Variants in PLK3 observed in about 807,000 individuals in gnomAD.
The protein encoded by PLK3 is polo like kinase 3, also known as serine/threonine-protein kinase PLK3.
A neutral mutation model predicts 71.6 loss-of-function variants in PLK3; 41 were observed. That is an observed-to-expected ratio of 0.57 (90% CI 0.45 to 0.74). The LOEUF (loss-of-function observed/expected upper bound fraction) is 0.74. Among genes scored for constraint, PLK3 ranks in the 30% least tolerant of loss-of-function variants. The probability of loss-of-function intolerance (pLI) is 0.00; values close to 1 mark genes in which losing one functional copy is unlikely to be tolerated. For synonymous variants in PLK3, 366 were observed against 355.4 expected, an observed-to-expected ratio of 1.03 and a Z score of -0.33; for missense variants, 791 against 875.6, an observed-to-expected ratio of 0.90 and a Z score of 1.22.
Position 44,804,361 on chromosome 1 carries a change from G to A in PLK3, c.1365G>A (p.Leu455=). 1 of 1,614,154 alleles carries A rather than the reference G, an allele frequency of 6.2e-7. No individual in the cohort carries two copies. Among genetic ancestry groups the A allele is most frequent in the Non-Finnish European group, 8.5e-7 (1 of 1,180,010 alleles). Residue 455 remains leucine (L), a synonymous_variant, in exon 12 of 15, where the codon CTG becomes CTA. Transcript: ENST00000372201. ...CAGCGGAACAGAACCCGGCCCCCCTGGCCCAGCCAGAGCCTCTGGTGTGGG... is the reference window on the plus strand; with the variant it reads ...CAGCGGAACAGAACCCGGCCCCCCTAGCCCAGCCAGAGCCTCTGGTGTGGG... ...MPPAEQNPAP[L]AQPEPLVWVS...
Position 44,804,784 on chromosome 1 carries a change from G to A in PLK3, c.1635+5G>A. The A allele has an allele frequency of 6.2e-7, 1 of 1,613,748 alleles. No homozygotes were observed. The highest frequency in any genetic ancestry group is 1.3e-5 in the African/African-American group (1 of 75,058). The stretch of plus-strand genomic sequence containing the variant: ...ATGGAGCAGCACCTCATGAAGGTGT[G>A]AGGGCTGGGGCTGTGGTACATTGAA... On this transcript the variant is annotated splice_donor_5th_base_variant and intron_variant, in intron 13 of 14. Coordinates refer to ENST00000372201, the MANE Select transcript of PLK3 (RefSeq NM_004073.4).
rs1573611794 is a variant in PLK3, at chr1:44,802,624, T to C, written c.654-136T>C. ...ACTCAGCTGCCATCCCTGGCATCCA[T>C]TGTCCCAGGACAAGCAGGAGTTCTC... On this transcript the variant is annotated intron_variant, in intron 5 of 14. Coordinates refer to ENST00000372201, the MANE Select transcript of PLK3 (RefSeq NM_004073.4). 8.9e-6 allele frequency: 6 copies of C among 674,094 alleles called. No homozygotes were observed. The South Asian group carries it at 1.0e-4, about 12-fold the overall frequency. The allele number at this position is 674,094 out of a possible 1,614,324, so 41.8% of individuals were successfully genotyped here. A position where few individuals can be genotyped will look rare whatever the true frequency, so the allele number is the denominator to read the frequency against.
At chr1:44,805,158 C>T in intron 13 of PLK3, 108 bp from the exon 14 acceptor site, 1 of 754,726 alleles carries the variant, frequency 1.3e-6, no homozygotes, top group Admixed American at 2.0e-5. Context: ...CCTCTGATTC[C>T]CCCTTGGTGG....
rs1439814318 is a variant in PLK3, at chr1:44,803,321, G to A, written c.1002G>A (p.Leu334=). ...PISSCVTVPD[L]TPPNPARSLF... is the part of the protein sequence containing the mutation. Reference sequence around the variant, plus strand: ...GCAGCTGCGTGACAGTCCCAGACCTGACACCCCCCAACCCAGCTAGGAGTC... The same window carrying A: ...GCAGCTGCGTGACAGTCCCAGACCTAACACCCCCCAACCCAGCTAGGAGTC... The change falls in exon 8 of 15, where the codon CTG becomes CTA. Residue 334 remains leucine, a synonymous_variant. Transcript: ENST00000372201. This position sits in a 1 kb window ranked among gnomAD's most constrained non-coding sequence, Gnocchi z 4.3. 1.9e-6 allele frequency: 3 copies of A among 1,614,004 alleles called. No homozygotes were observed. Among genetic ancestry groups the A allele is most frequent in the Middle Eastern group, 1.6e-4 (1 of 6,084 alleles).
At position 44,805,754 on chromosome 1, in the gene PLK3, G is replaced by C; in HGVS notation, c.*76G>C. 1 of 1,476,798 alleles carries C rather than the reference G, an allele frequency of 6.8e-7. No homozygotes were observed. Among genetic ancestry groups the C allele is most frequent in the South Asian group, 1.2e-5 (1 of 84,646 alleles). 91.5% of individuals were successfully genotyped at this position (1,476,798 alleles called of 1,614,324 possible). A position where few individuals can be genotyped will look rare whatever the true frequency, so the allele number is the denominator to read the frequency against. On this transcript the variant is annotated 3_prime_UTR_variant, in exon 15 of 15. Transcript: ENST00000372201. ...CCTTTGTGGCCTTCCCCCTTCCTTT[G>C]GTGCCTCACTGGGGGCTTTGGGCCG...
At position 44,804,427 on chromosome 1, in the gene PLK3, G is replaced by A. The variant is rs2148856564; in HGVS notation, c.1431G>A (p.Gly477=). The change falls in exon 12 of 15, where the codon GGG becomes GGA. Residue 477 remains glycine, a synonymous_variant. Transcript: ENST00000372201. ...ACTACTCCAATAAGTTCGGCTTTGG[G>A]TATCAACTGTCCAGCCGCCGTGTGG... ...WVDYSNKFGF[G]YQLSSRRVAV... is the part of the protein sequence containing the mutation. The A allele has an allele frequency of 6.2e-7, 1 of 1,614,200 alleles. No homozygotes were observed.
At position 44,801,838 on chromosome 1, in the gene PLK3, C is replaced by T. The variant is rs1348660884; in HGVS notation, c.566-7C>T. 3.1e-6 allele frequency: 5 copies of T among 1,612,812 alleles called. No individual in the cohort carries two copies. Among genetic ancestry groups the T allele is most frequent in the Non-Finnish European group, 2.5e-6 (3 of 1,179,274 alleles). On this transcript the variant is annotated splice_polypyrimidine_tract_variant and splice_region_variant and intron_variant, in intron 4 of 14. Coordinates refer to ENST00000372201, the MANE Select transcript of PLK3 (RefSeq NM_004073.4). Reference sequence around the variant, plus strand: ...AGAATCTGACACACCTCTCTTGCCCCATCTAGGAAATTTTTTCATCACTGA... The same window carrying T: ...AGAATCTGACACACCTCTCTTGCCCTATCTAGGAAATTTTTTCATCACTGA...
In PLK3 at chr1:44,804,261, TG is replaced by T; in HGVS notation, c.1342+17del. The T allele has an allele frequency of 6.2e-7, 1 of 1,613,152 alleles. No individual in the cohort carries two copies. Among genetic ancestry groups the T allele is most frequent in the Non-Finnish European group, 8.5e-7 (1 of 1,179,086 alleles). On this transcript the variant is annotated intron_variant, in intron 11 of 14. Coordinates refer to ENST00000372201, the MANE Select transcript of PLK3 (RefSeq NM_004073.4). ...CATGCCCCCAGGTAAGGGTGGGGTC[TG>T]GTACATGCTGCTGTGGTGGGAGTTC...
Position 44,803,559 on chromosome 1 carries a change from C to T in PLK3, c.1073-41C>T. The T allele has an allele frequency of 6.3e-7, 1 of 1,587,890 alleles. No homozygotes were observed. Among genetic ancestry groups the T allele is most frequent in the Non-Finnish European group, 8.6e-7 (1 of 1,157,336 alleles). ...GTCATCCCTGTCGGAAGTGGAGGGGCTGGGCAGGATACTGAGGACGGTATC... is the reference window on the plus strand; with the variant it reads ...GTCATCCCTGTCGGAAGTGGAGGGGTTGGGCAGGATACTGAGGACGGTATC... On this transcript the variant is annotated intron_variant, in intron 8 of 14. Coordinates refer to ENST00000372201, the MANE Select transcript of PLK3 (RefSeq NM_004073.4). This position sits in a 1 kb window ranked among gnomAD's most constrained non-coding sequence, Gnocchi z 4.3.
In PLK3 at chr1:44,803,524, C is replaced by T; in HGVS notation, c.1073-76C>T. 1 of 1,574,332 alleles carries T rather than the reference C, an allele frequency of 6.4e-7. No homozygotes were observed. The highest frequency in any genetic ancestry group is 8.7e-7 in the Non-Finnish European group (1 of 1,146,346). ...GTGCAGTACAGGCACTTGGGGAGGCCAATCTCTGTGTCATCCCTGTCGGAA... is the reference window on the plus strand; with the variant it reads ...GTGCAGTACAGGCACTTGGGGAGGCTAATCTCTGTGTCATCCCTGTCGGAA... On this transcript the variant is annotated intron_variant, in intron 8 of 14. Transcript: ENST00000372201. The surrounding 1 kb of genome is among the most constrained non-coding windows in gnomAD (Gnocchi z 4.3).
chr1:44,802,667 C>A, intron 5 of PLK3, 93 bp from the exon 6 acceptor site: 3 of 858,114 alleles, frequency 3.5e-6, no homozygotes, highest in African/African-American at 1.7e-5. Context: ...TGGTGACAGG[C>A]AGCTGCTTTG....
Position 44,804,019 on chromosome 1 carries a change from G to C in PLK3, c.1253G>C (p.Gly418Ala), listed in dbSNP as rs1247256112. The change falls in exon 10 of 15, where the codon GGA becomes GCA. Residue 418 changes from glycine to alanine, a missense_variant. Physicochemically the swap from Gly to Ala is moderately conservative, Grantham distance 60. Transcript: ENST00000372201. ...SSPRGTLASS[G>A]DGFEEGLTVA... ...CCCCGTGGGACACTGGCAAGCAGTG[G>C]AGATGGTGAGGAGCCAGGGAGGATG... The C allele has an allele frequency of 1.3e-6, 2 of 1,554,166 alleles. No homozygotes were observed. Among genetic ancestry groups the C allele is most frequent in the Non-Finnish European group, 1.7e-6 (2 of 1,145,808 alleles).
In PLK3 at chr1:44,800,860, C is replaced by T. The variant is rs17882004; in HGVS notation, c.231C>T (p.Tyr77=). Residue 77 remains tyrosine (Y), a synonymous_variant, in exon 2 of 15, where the codon TAC becomes TAT. Transcript: ENST00000372201. The surrounding 1 kb of genome is among the most constrained non-coding windows in gnomAD (Gnocchi z 6.5). ...LLGKGGFARC[Y]EATDTETGSA... is the part of the protein sequence containing the mutation. ...CACAGGGGGGCTTCGCCCGCTGCTA[C>T]GAGGCCACTGACACAGAGACTGGCA... 82 of 1,610,914 alleles carry T rather than the reference C, an allele frequency of 5.1e-5. 1 individual carries two copies. Among genetic ancestry groups the T allele is most frequent in the South Asian group, 7.7e-5 (7 of 90,988 alleles).
Position 44,803,584 on chromosome 1 carries a change from C to T in PLK3, c.1073-16C>T. On this transcript the variant is annotated splice_polypyrimidine_tract_variant and intron_variant, in intron 8 of 14. Transcript: ENST00000372201. The surrounding 1 kb of genome is among the most constrained non-coding windows in gnomAD (Gnocchi z 4.3). The stretch of plus-strand genomic sequence containing the variant: ...CTGGGCAGGATACTGAGGACGGTAT[C>T]ACCTTTCACCCCCAGGTAAGAATCA... 1.2e-6 allele frequency: 2 copies of T among 1,610,302 alleles called. No individual in the cohort carries two copies. Among genetic ancestry groups the T allele is most frequent in the East Asian group, 4.5e-5 (2 of 44,834 alleles).
rs757986380 is a variant in PLK3 at position 44,802,989 on chromosome 1, A to G, written c.784A>G (p.Thr262Ala). 9.3e-6 allele frequency: 15 copies of G among 1,613,672 alleles called. No homozygotes were observed. The highest frequency in any genetic ancestry group is 1.3e-5 in the Non-Finnish European group (15 of 1,179,864). The change falls in exon 7 of 15, where the codon ACG becomes GCG. Residue 262 changes from threonine (T) to alanine (A), a missense_variant. Coordinates refer to ENST00000372201, the MANE Select transcript of PLK3 (RefSeq NM_004073.4). ...GCTCTGCGGGAGCCCTCCCTTTGAG[A>G]CGGCTGACCTGAAGGAGACGTACCG... ...TLLCGSPPFE[T>A]ADLKETYRCI... is the part of the protein sequence containing the mutation.
Position 44,805,518 on chromosome 1 carries a change from T to C in PLK3, c.1781T>C (p.Ile594Thr), listed in dbSNP as rs774329710. ...TTCTACGGGGACCACACCAAGCTGA[T>C]TCTCAGTGGCTGGGAGCCCCTCCTT... is the stretch of plus-strand genomic sequence containing the variant. ...VNFYGDHTKLILSGWEPLLVT... is the reference protein window; with the variant it reads ...VNFYGDHTKLTLSGWEPLLVT... The change falls in exon 15 of 15, where the codon ATT becomes ACT. Residue 594 changes from isoleucine to threonine, a missense_variant. Coordinates refer to ENST00000372201, the MANE Select transcript of PLK3 (RefSeq NM_004073.4). 2 of 1,614,070 alleles carry C rather than the reference T, an allele frequency of 1.2e-6. No homozygotes were observed. Among genetic ancestry groups the C allele is most frequent in the Non-Finnish European group, 1.7e-6 (2 of 1,180,012 alleles).
Position 44,803,462 on chromosome 1 carries a change from G to A in PLK3, c.1072+71G>A. The A allele has an allele frequency of 1.2e-6, 2 of 1,603,978 alleles. No individual in the cohort carries two copies. The highest frequency in any genetic ancestry group is 1.7e-6 in the Non-Finnish European group (2 of 1,172,944). On this transcript the variant is annotated intron_variant, in intron 8 of 14. Coordinates refer to ENST00000372201, the MANE Select transcript of PLK3 (RefSeq NM_004073.4). The surrounding 1 kb of genome is among the most constrained non-coding windows in gnomAD (Gnocchi z 4.3). ...GGCTTGTCACATTTGTCTTGGGTGT[G>A]TGAGTGTGGGTGCCTGGAAACTCCT...
At chr1:44,802,533 T>C (rs1277413892) in intron 5 of PLK3, among the ~76,000 whole-genome samples, 2 of 151,986 alleles carry the variant, frequency 1.3e-5, no homozygotes, top group Non-Finnish European at 2.9e-5. Context: ...AGGACTGGGC[T>C]GGGGGTCAGG....
At position 44,803,094 on chromosome 1, in the gene PLK3, G is replaced by A. The variant is rs770423448; in HGVS notation, c.889G>A (p.Ala297Thr). Residue 297 changes from alanine to threonine, a missense_variant, in exon 7 of 15, where the codon GCC becomes ACC. Transcript: ENST00000372201. This position sits in a 1 kb window ranked among gnomAD's most constrained non-coding sequence, Gnocchi z 4.3. ...ARQLLAAILR[A>T]SPRDRPSIDQ... ...GCAGCTCCTGGCCGCCATCCTTCGG[G>A]CCTCACCCCGAGACCGCCCCTCTAT... The A allele has an allele frequency of 6.2e-7, 1 of 1,613,856 alleles. No individual in the cohort carries two copies. The highest frequency in any genetic ancestry group is 8.5e-7 in the Non-Finnish European group (1 of 1,180,012).
Sources: gnomAD v4.1 joint callset for allele counts (sites outside exome capture counted in the v4.1 genomes callset) on GRCh38, gnomAD v4.1.1 for gene constraint, Gnocchi (gnomAD v3.1) non-coding constraint, MANE v1.5 for transcripts, NCBI Gene and HGNC (gene_info 2026-07-23, HGNC 2026-07-21) for gene names.